The following STEAP1B variants were observed in gnomAD, a reference collection of about 807,000 sequenced individuals.
STEAP1B encodes the protein STEAP family protein MGC87042.
STEAP1B carries 13 observed loss-of-function variants against 27.9 expected under a neutral mutation model. That is an observed-to-expected ratio of 0.47 (90% CI 0.30 to 0.74). The LOEUF (loss-of-function observed/expected upper bound fraction) is 0.74. STEAP1B is among the 30% of genes least tolerant of loss of function. STEAP1B has a pLI of 0.06. For missense variants in STEAP1B, 250 were observed against 298.7 expected (o/e 0.84, Z 1.20); for synonymous variants, 86 against 107.1 (o/e 0.80, Z 1.22).
At chr7:22,438,320 G>C in intron 4 of STEAP1B, 2 of 796,722 alleles carry the variant, frequency 2.5e-6, no homozygotes, top group South Asian at 3.8e-5. Context: ...TTTCGCACTT[G>C]TCCCACATGT....
At chr7:22,469,510 T>G (rs935067341) in intron 4 of STEAP1B, among the ~76,000 whole-genome samples, 1 of 152,196 alleles carries the variant, frequency 6.6e-6, no homozygotes, top group Non-Finnish European at 1.5e-5. Context: ...CAGAGCAGCT[T>G]CCAGTCCTGC....
intron 4 of STEAP1B, among the ~76,000 whole-genome samples, chr7:22,439,154 C>A (rs1785294959): frequency 6.6e-6 from 1 of 152,046 alleles, no homozygotes; most frequent in Non-Finnish European, 1.5e-5. Flanking sequence ...CACATCAGAA[C>A]TGTTTTAAGA....
At chr7:22,435,500 C>G (rs1184026335) in intron 4 of STEAP1B, among the ~76,000 whole-genome samples, 2 of 152,068 alleles carry the variant, frequency 1.3e-5, no homozygotes, top group Non-Finnish European at 2.9e-5. Context: ...TATTGACAAC[C>G]CTCCATCAGT....
chr7:22,467,574 G>A (rs181291392), intron 4 of STEAP1B, among the ~76,000 whole-genome samples: 2 of 152,134 alleles, frequency 1.3e-5, no homozygotes, highest in Non-Finnish European at 2.9e-5. Context: ...TGAATTTTGG[G>A]GGCGATTCCC....
At chr7:22,470,207 T>C (rs1785856854) in intron 4 of STEAP1B, among the ~76,000 whole-genome samples, 1 of 152,132 alleles carries the variant, frequency 6.6e-6, no homozygotes, top group South Asian at 2.1e-4. Flanking sequence ...TATCTTGTGG[T>C]GCAGGAAGTA....
Position 22,493,673 on chromosome 7 carries a change from G to A in STEAP1B, c.248C>T (p.Ser83Phe), listed in dbSNP as rs763841303. ...CAGAAGAGTGTAAAGAAAAGTCAGA[G>A]ATGCCATAACAGCAGCTATTTTAAT... is the stretch of plus-strand genomic sequence containing the variant. ...LPIKIAAVMA[S>F]LTFLYTLLRE... Residue 83 changes from serine (S) to phenylalanine (F), a missense_variant, in exon 3 of 5, where the codon TCT (serine) becomes TTT (phenylalanine). Ser to Phe is a radical substitution (Grantham distance 155, BLOSUM62 -2). Coordinates refer to ENST00000678116, the MANE Select transcript of STEAP1B (RefSeq NM_001382447.1). 14 of 1,613,922 alleles carry A rather than the reference G, an allele frequency of 8.7e-6. No homozygotes were observed. The highest frequency in any genetic ancestry group is 1.6e-4 in the Middle Eastern group (1 of 6,078).
At chr7:22,485,898 A>G (rs1786199893) in intron 4 of STEAP1B, among the ~76,000 whole-genome samples, 1 of 152,154 alleles carries the variant, frequency 6.6e-6, no homozygotes, top group Non-Finnish European at 1.5e-5. Flanking sequence ...AGGTTTCCAG[A>G]GGATGCTGAT....
At chr7:22,424,088 C>T (rs1421644917) in intron 4 of STEAP1B, among the ~76,000 whole-genome samples, 2 of 152,092 alleles carry the variant, frequency 1.3e-5, no homozygotes, top group East Asian at 1.9e-4. Flanking sequence ...ACCTAAATAA[C>T]ATTGTTAAAA....
At chr7:22,479,923 T>C (rs984271842) in intron 4 of STEAP1B, among the ~76,000 whole-genome samples, 5 of 152,082 alleles carry the variant, frequency 3.3e-5, no homozygotes, top group African/African-American at 1.2e-4. Flanking sequence ...TGGCCTCAGC[T>C]CTTTATATTA....
At chr7:22,448,281 A>G (rs1294306766) in intron 4 of STEAP1B, among the ~76,000 whole-genome samples, 2 of 152,216 alleles carry the variant, frequency 1.3e-5, no homozygotes, top group Non-Finnish European at 2.9e-5. Flanking sequence ...GCATTTCTAT[A>G]TGGCCAAAGG....
intron 1 of STEAP1B, among the ~76,000 whole-genome samples, chr7:22,495,205 G>A (rs1195629877): frequency 6.6e-6 from 1 of 152,178 alleles, no homozygotes; most frequent in Non-Finnish European, 1.5e-5. Context: ...TCCATCTGGA[G>A]GAAAGCCAAC....
intron 4 of STEAP1B, among the ~76,000 whole-genome samples, chr7:22,482,415 G>A (rs534466991): frequency 6.6e-6 from 1 of 152,268 alleles, no homozygotes; most frequent in South Asian, 2.1e-4. Flanking sequence ...AATTTTGTTG[G>A]CTATCTGAAG....
intron 4 of STEAP1B, among the ~76,000 whole-genome samples, chr7:22,424,020 C>A (rs1017568105): frequency 3.9e-5 from 6 of 152,034 alleles, no homozygotes; most frequent in African/African-American, 1.5e-4. Flanking sequence ...CAGAGTGAGA[C>A]CCTATCTCTA....
chr7:22,435,633 C>T (rs1785243924), intron 4 of STEAP1B, among the ~76,000 whole-genome samples: 1 of 152,138 alleles, frequency 6.6e-6, no homozygotes, highest in South Asian at 2.1e-4. Flanking sequence ...CAAATGCATA[C>T]ACATAAAATC....
chr7:22,475,303 G>C (rs545553484), intron 4 of STEAP1B, among the ~76,000 whole-genome samples: 1 of 152,314 alleles, frequency 6.6e-6, no homozygotes, highest in African/African-American at 2.4e-5. Context: ...GTCAGGACTA[G>C]AGGCGCCACA....
chr7:22,478,782 C>G (rs760746724), intron 4 of STEAP1B, among the ~76,000 whole-genome samples: 44 of 152,292 alleles, frequency 2.9e-4, no homozygotes, highest in Non-Finnish European at 4.7e-4. Context: ...ACTTAAAATG[C>G]GACTACTTTG....
chr7:22,429,629 G>C (rs571904658), intron 4 of STEAP1B, among the ~76,000 whole-genome samples: 1 of 152,310 alleles, frequency 6.6e-6, no homozygotes, highest in South Asian at 2.1e-4. Flanking sequence ...GAGCCAGACA[G>C]AGTAGGCCCA....
intron 4 of STEAP1B, among the ~76,000 whole-genome samples, chr7:22,455,085 G>T (rs1166415262): frequency 1.3e-5 from 2 of 151,870 alleles, no homozygotes; most frequent in Non-Finnish European, 2.9e-5. Flanking sequence ...GGATGGTCTC[G>T]ATCTCTTCAC....
rs368226981 is a variant in STEAP1B at position 22,459,560 on chromosome 7, C to A, written c.762+33005G>T. 2.0e-5 allele frequency among the ~76,000 whole-genome samples: 3 copies of A among 152,184 alleles called. No individual in the cohort carries two copies. The South Asian group carries it at 6.2e-4, about 32-fold the overall frequency. Reference sequence around the variant, plus strand: ...CCATTTTAACAAAAACAACAAAATACGGCAAAAGTTACACATATAGTAAAT... The same window carrying A: ...CCATTTTAACAAAAACAACAAAATAAGGCAAAAGTTACACATATAGTAAAT... On this transcript the variant is annotated intron_variant, in intron 4 of 4. Transcript: ENST00000678116.
Sources: gnomAD v4.1 joint callset for allele counts (sites outside exome capture counted in the v4.1 genomes callset) on GRCh38, gnomAD v4.1.1 for gene constraint, MANE v1.5 for transcripts, NCBI Gene and HGNC (gene_info 2026-07-23, HGNC 2026-07-21) for gene names.